SH2D4A: variants seen among roughly 807,000 people sequenced by gnomAD.
SH2D4A encodes SH2 domain containing 4A.
SH2D4A carries 70 observed loss-of-function variants against 64.7 expected under a neutral mutation model. The ratio of observed to expected loss-of-function variants is 1.08; its 90% CI spans 0.89 to 1.32. SH2D4A has a LOEUF of 1.32. Among genes scored for constraint, SH2D4A ranks in the 40% most tolerant of loss-of-function variants. SH2D4A has a pLI of 0.00. For missense variants in SH2D4A, 706 were observed against 540.1 expected, an observed-to-expected ratio of 1.31 and a Z score of -3.04; for synonymous variants, 268 against 200.7, an observed-to-expected ratio of 1.34 and a Z score of -2.83.
chr8:19,315,317 G>A lies in SH2D4A; in HGVS notation c.-205+1494G>A, dbSNP rs115694379. Among the ~76,000 whole-genome samples the A allele has an allele frequency of 7.2e-3, 1,092 of 152,238 alleles. 12 individuals carry two copies. The highest frequency in any genetic ancestry group is 0.025 in the African/African-American group (1,034 of 41,542). On this transcript the variant is annotated intron_variant, in intron 1 of 9. Coordinates refer to ENST00000265807, the MANE Select transcript of SH2D4A (RefSeq NM_022071.4). ...CGCCTGGCTAATTTTTATACTTTAT[G>A]TAGAGACGGAGTTTTGCCATGTTGC...
chr8:19,376,247 G>T (rs1018515518), intron 8 of SH2D4A, among the ~76,000 whole-genome samples: 1 of 152,100 alleles, frequency 6.6e-6, no homozygotes, highest in Non-Finnish European at 1.5e-5. Context: ...AGCCTTTGAC[G>T]TAGGAAGGCC....
At chr8:19,371,828 C>T (rs553241898) in intron 7 of SH2D4A, among the ~76,000 whole-genome samples, 1 of 152,150 alleles carries the variant, frequency 6.6e-6, no homozygotes, top group Non-Finnish European at 1.5e-5. Context: ...TTGAAACCCT[C>T]TATTGCATTT....
Position 19,364,177 on chromosome 8 carries a change from A to C in SH2D4A, c.812A>C (p.Glu271Ala). The C allele has an allele frequency of 6.2e-7, 1 of 1,614,178 alleles. No homozygotes were observed. The highest frequency in any genetic ancestry group is 8.5e-7 in the Non-Finnish European group (1 of 1,180,004). ...GGGGCCCAGAAAGGAAGAGGCGGTG[A>C]GAGGCTGCAAAGCCCCTTGCGTGTT... Reference protein sequence around the residue: ...SLGAQKGRGGERLQSPLRVPQ... With the variant: ...SLGAQKGRGGARLQSPLRVPQ... The change falls in exon 7 of 10, where the codon GAG becomes GCG. Residue 271 changes from glutamate to alanine, a missense_variant. By Grantham distance (107) the Glu-to-Ala change is moderately radical (BLOSUM62 -1). Transcript: ENST00000265807.
At chr8:19,314,092 C>T (rs2052044111) in intron 1 of SH2D4A, 2 of 1,180,650 alleles carry the variant, frequency 1.7e-6, no homozygotes, top group Middle Eastern at 3.4e-4. Flanking sequence ...GAGCGGCGGT[C>T]CCCGGGGCCT....
At chr8:19,364,403 G>T in intron 7 of SH2D4A, 121 bp downstream of exon 7, 2 of 1,075,170 alleles carry the variant, frequency 1.9e-6, no homozygotes, top group Non-Finnish European at 2.7e-6. Context: ...GGCAGCCTGT[G>T]TAAGTAGCTC....
intron 4 of SH2D4A, among the ~76,000 whole-genome samples, chr8:19,338,395 G>A (rs753883209): frequency 6.6e-6 from 1 of 152,174 alleles, no homozygotes; most frequent in East Asian, 1.9e-4. Flanking sequence ...CCACGAACAC[G>A]TTACTTTACA....
chr8:19,373,006 T>C (rs1031734381), intron 7 of SH2D4A, among the ~76,000 whole-genome samples: 2 of 152,166 alleles, frequency 1.3e-5, no homozygotes, highest in African/African-American at 4.8e-5. Context: ...AATACCTGCT[T>C]TCCAGGAAAA....
chr8:19,368,027 G>C (rs2053029179), intron 7 of SH2D4A, among the ~76,000 whole-genome samples: 1 of 152,110 alleles, frequency 6.6e-6, no homozygotes, highest in Admixed American at 6.6e-5. Context: ...TCCATTTTGA[G>C]CTGATTTTTG....
chr8:19,386,204 C>T (rs1347255170), intron 8 of SH2D4A, among the ~76,000 whole-genome samples: 1 of 152,198 alleles, frequency 6.6e-6, no homozygotes, highest in African/African-American at 2.4e-5. Flanking sequence ...AATTATCCTC[C>T]ATGGTCCCCC....
At chr8:19,352,660 G>A (rs181433870) in intron 4 of SH2D4A, among the ~76,000 whole-genome samples, 3 of 152,244 alleles carry the variant, frequency 2.0e-5, no homozygotes, top group East Asian at 3.9e-4. Flanking sequence ...GAAGGAGCAG[G>A]CTTCAGACGT....
chr8:19,337,602 G>A (rs1467326794), intron 4 of SH2D4A, among the ~76,000 whole-genome samples: 1 of 152,144 alleles, frequency 6.6e-6, no homozygotes, highest in Non-Finnish European at 1.5e-5. Context: ...CCAAGATTGG[G>A]CAGTTTACAA....
At chr8:19,332,919 T>C (rs773914533) in intron 2 of SH2D4A, 36 bp from the exon 3 acceptor site, 19 of 1,598,890 alleles carry the variant, frequency 1.2e-5, no homozygotes, top group Middle Eastern at 1.7e-4. Context: ...AGATATTTGT[T>C]CAATCTGAAT....
rs534663700 is a variant in SH2D4A at position 19,389,493 on chromosome 8, C to A, written c.1049-3825C>A. Reference sequence around the variant, plus strand: ...GGACCTCCTCCAGCTGCGACGGACCCTTGTGCTGCTGCTGTTTTGTAGGGT... The same window carrying A: ...GGACCTCCTCCAGCTGCGACGGACCATTGTGCTGCTGCTGTTTTGTAGGGT... On this transcript the variant is annotated intron_variant, in intron 8 of 9. Transcript: ENST00000265807. Among the ~76,000 whole-genome samples the A allele has an allele frequency of 8.3e-4, 126 of 152,270 alleles. No homozygotes were observed. In the South Asian group the frequency reaches 0.025, roughly 30 times the overall value.
intron 7 of SH2D4A, among the ~76,000 whole-genome samples, chr8:19,371,496 C>T (rs1242799394): frequency 3.3e-5 from 5 of 151,962 alleles, no homozygotes; most frequent in African/African-American, 1.2e-4. Flanking sequence ...TTTTAGGATC[C>T]TCTATTTGTC....
intron 4 of SH2D4A, among the ~76,000 whole-genome samples, chr8:19,351,973 G>A (rs2052712690): frequency 6.6e-6 from 1 of 152,086 alleles, no homozygotes; most frequent in Admixed American, 6.6e-5. Context: ...CGTAGAGATG[G>A]GGTTTCACCA....
At chr8:19,384,813 T>G (rs1297952138) in intron 8 of SH2D4A, among the ~76,000 whole-genome samples, 1 of 152,236 alleles carries the variant, frequency 6.6e-6, no homozygotes, top group African/African-American at 2.4e-5. Flanking sequence ...TTCTTCATTC[T>G]ATCAACATTT....
intron 5 of SH2D4A, 36 bp downstream of exon 5, chr8:19,357,319 T>C (rs772578733): frequency 7.1e-7 from 1 of 1,399,716 alleles, no homozygotes; most frequent in South Asian, 1.2e-5. Flanking sequence ...GGGGGCTGCA[T>C]ACCTAGGCAT....
intron 8 of SH2D4A, among the ~76,000 whole-genome samples, chr8:19,391,521 G>A (rs1047699779): frequency 2.0e-5 from 3 of 152,146 alleles, no homozygotes; most frequent in Admixed American, 6.5e-5. Flanking sequence ...GGTCTGTTTC[G>A]AGGATGTTGA....
At chr8:19,377,742 CTT>C (rs2153650651) in intron 8 of SH2D4A, among the ~76,000 whole-genome samples, 1 of 152,212 alleles carries the variant, frequency 6.6e-6, no homozygotes, top group African/African-American at 2.4e-5. Flanking sequence ...TTTGCTATAA[CTT>C]TTTTGCTCTT....
Sources: gnomAD v4.1 joint callset for allele counts (sites outside exome capture counted in the v4.1 genomes callset) on GRCh38, gnomAD v4.1.1 for gene constraint, MANE v1.5 for transcripts, NCBI Gene and HGNC (gene_info 2026-07-23, HGNC 2026-07-21) for gene names.